TRMT11: variants seen among roughly 807,000 people sequenced by gnomAD.
TRMT11 encodes the protein tRNA (guanine(10)-N(2))-methyltransferase TRMT11.
A neutral mutation model predicts 62.8 loss-of-function variants in TRMT11; 53 were observed. The ratio of observed to expected loss-of-function variants is 0.84; its 90% CI spans 0.68 to 1.06. The LOEUF is 1.06. Among genes scored for constraint, TRMT11 ranks in the 50% least tolerant of loss-of-function variants. The pLI, the probability that TRMT11 is intolerant of heterozygous loss-of-function variation, is 0.00. For synonymous variants in TRMT11, 188 were observed against 190.3 expected, an observed-to-expected ratio of 0.99 and a Z score of 0.10; for missense variants, 556 against 553.4, an observed-to-expected ratio of 1.00 and a Z score of -0.05.
At chr6:126,124,931 A>G (rs1284256399) in intron 21 of TRMT11, among the ~76,000 whole-genome samples, 1 of 152,108 alleles carries the variant, frequency 6.6e-6, no homozygotes, top group Admixed American at 6.6e-5. Flanking sequence ...CTCTTTAGAA[A>G]TTAACCTCCT....
In TRMT11 at chr6:126,011,302, T is replaced by G; in HGVS notation, c.810T>G (p.Ile270Met). The G allele has an allele frequency of 1.9e-6, 3 of 1,613,452 alleles. No homozygotes were observed. The highest frequency in any genetic ancestry group is 1.7e-4 in the Middle Eastern group (1 of 6,012). The stretch of plus-strand genomic sequence containing the variant: ...AGTGGAGAGGACCAGATGAAAACAT[T>G]AGGGCCAATCTTCGTCAATATGGTT... ...NQKWRGPDEN[I>M]RANLRQYGLE... is the part of the protein sequence containing the mutation. The change falls in exon 9 of 13, where the codon ATT (isoleucine) becomes ATG (methionine). Residue 270 changes from isoleucine (I) to methionine (M), a missense_variant. Physicochemically the swap from Ile to Met is conservative, Grantham distance 10 (BLOSUM62 1). Coordinates refer to ENST00000334379, the MANE Select transcript of TRMT11 (RefSeq NM_001031712.3).
rs138722283 is a variant in TRMT11 at position 126,055,980 on chromosome 6, A to G, written c.*1437+2790A>G. Among the ~76,000 whole-genome samples, 547 of 152,308 alleles carry G rather than the reference A, an allele frequency of 3.6e-3. 2 individuals are homozygous for G. The highest frequency in any genetic ancestry group is 6.1e-3 in the Admixed American group (94 of 15,300). ...TGCCTTGAGACAACCACTGTCACAG[A>G]TGGCTTAGCTCAATGTCAAACAATA... On this transcript the variant is annotated intron_variant and NMD_transcript_variant, in intron 17 of 22. Transcript: ENST00000648977.
At chr6:126,117,994 G>A (rs2128193564) in intron 21 of TRMT11, among the ~76,000 whole-genome samples, 1 of 152,184 alleles carries the variant, frequency 6.6e-6, no homozygotes, top group Middle Eastern at 3.4e-3. Flanking sequence ...GTCTGTTCAG[G>A]TTGACTTTCT....
intron 1 of TRMT11, 118 bp from the exon 2 acceptor site, chr6:125,993,639 G>T: frequency 6.6e-4 from 299 of 450,998 alleles, no homozygotes; most frequent in Middle Eastern, 1.2e-3. Flanking sequence ...AAGCTTAAAT[G>T]CCTCAGTTAG....
At chr6:126,127,068 A>G (rs1335584053) in intron 21 of TRMT11, among the ~76,000 whole-genome samples, 2 of 152,156 alleles carry the variant, frequency 1.3e-5, no homozygotes, top group Admixed American at 1.3e-4. Flanking sequence ...GAACAATATT[A>G]GAAGAAGGAG....
chr6:126,035,972 C>T (rs1001549424), intron 12 of TRMT11, among the ~76,000 whole-genome samples: 5 of 152,094 alleles, frequency 3.3e-5, no homozygotes, highest in African/African-American at 1.2e-4. Flanking sequence ...GCTGCATAAC[C>T]ACAGCTTAGG....
intron 12 of TRMT11, among the ~76,000 whole-genome samples, chr6:126,028,534 C>T (rs1773607667): frequency 6.6e-6 from 1 of 152,144 alleles, no homozygotes; most frequent in African/African-American, 2.4e-5. Context: ...GGTGATGCTG[C>T]ATATCATGCT....
At chr6:126,078,969 C>A (rs1047535383) in intron 17 of TRMT11, among the ~76,000 whole-genome samples, 1 of 152,100 alleles carries the variant, frequency 6.6e-6, no homozygotes, top group Non-Finnish European at 1.5e-5. Context: ...ATAACCCTTT[C>A]GGGGGGAAAT....
intron 21 of TRMT11, among the ~76,000 whole-genome samples, chr6:126,147,900 G>C (rs991711310): frequency 2.6e-5 from 4 of 152,006 alleles, no homozygotes; most frequent in African/African-American, 9.7e-5. Flanking sequence ...CTGTCGTGGG[G>C]GTAGGGGGCT....
the TRMT11 span, among the ~76,000 whole-genome samples, chr6:126,239,347 G>A: frequency 9.9e-5 from 15 of 152,056 alleles, no homozygotes; most frequent in African/African-American, 1.7e-4. Flanking sequence ...GGCTGGTACC[G>A]GTTGTTCCTT....
At chr6:126,071,761 T>C (rs1776865470) in intron 17 of TRMT11, among the ~76,000 whole-genome samples, 1 of 152,092 alleles carries the variant, frequency 6.6e-6, no homozygotes, top group Admixed American at 6.6e-5. Context: ...AGTGTTGAAT[T>C]GTAGTGTCAG....
chr6:126,133,785 C>A (rs906290450), intron 21 of TRMT11, among the ~76,000 whole-genome samples: 1 of 152,042 alleles, frequency 6.6e-6, no homozygotes, highest in Non-Finnish European at 1.5e-5. Context: ...TTCAGATCAG[C>A]ATTGACCTGA....
rs186533833 is a variant in TRMT11, at chr6:126,122,143, C to T, written c.*1823+6288C>T. The stretch of plus-strand genomic sequence containing the variant: ...TGCCTGCCATGTAAGACTTTGCTCC[C>T]CATTCATCTTCTGCCATGATTGTGA... On this transcript the variant is annotated intron_variant and NMD_transcript_variant, in intron 21 of 22. Coordinates refer to the TRMT11 transcript ENST00000648977. 3.6e-4 allele frequency among the ~76,000 whole-genome samples: 55 copies of T among 152,192 alleles called. 1 individual carries two copies. The highest frequency in any genetic ancestry group is 3.3e-3 in the Admixed American group (50 of 15,274).
chr6:125,989,873 T>C (rs1002651878), intron 1 of TRMT11, among the ~76,000 whole-genome samples: 1 of 152,246 alleles, frequency 6.6e-6, no homozygotes, highest in African/African-American at 2.4e-5. Context: ...CATTATTCCC[T>C]GAATTCCTGC....
rs552168158 is a variant in TRMT11 at position 126,156,662 on chromosome 6, C to T, written c.*1824-18163C>T. On this transcript the variant is annotated intron_variant and NMD_transcript_variant, in intron 21 of 22. Coordinates refer to the TRMT11 transcript ENST00000648977. ...CTCCAGCATCTGCTTCTGGTGAGGG[C>T]CGTCATGGTGGAAGGTGAAGGGGAA... 1.2e-4 allele frequency among the ~76,000 whole-genome samples: 19 copies of T among 152,278 alleles called. No homozygotes were observed. In the South Asian group the frequency reaches 3.9e-3, roughly 32 times the overall value.
intron 21 of TRMT11, among the ~76,000 whole-genome samples, chr6:126,151,905 C>CTCTTTCTTTCTTTCTTT (rs1778058117): frequency 1.2e-5 from 1 of 80,362 alleles, no homozygotes; most frequent in Admixed American, 1.5e-4. Context: ...TCTTTCTTTT[C>CTCTTTCTTTCTTTCTTT]TCTTTCTTTC....
At chr6:126,181,056 G>C (rs1648801321) in intron 1 of TRMT11, among the ~76,000 whole-genome samples, 1 of 152,130 alleles carries the variant, frequency 6.6e-6, no homozygotes, top group Non-Finnish European at 1.5e-5. Context: ...CACACATTTA[G>C]AAAGAGGATT....
At chr6:126,220,430 A>G in the TRMT11 span, among the ~76,000 whole-genome samples, 1 of 152,170 alleles carries the variant, frequency 6.6e-6, no homozygotes, top group Non-Finnish European at 1.5e-5. Flanking sequence ...TTCTTTATCC[A>G]CACTGGTACC....
intron 21 of TRMT11, among the ~76,000 whole-genome samples, chr6:126,149,092 A>G (rs1414220212): frequency 6.6e-6 from 1 of 152,206 alleles, no homozygotes; most frequent in Non-Finnish European, 1.5e-5. Flanking sequence ...TTTTGACCTC[A>G]ATGTAATGAC....
Sources: gnomAD v4.1 joint callset for allele counts (sites outside exome capture counted in the v4.1 genomes callset) on GRCh38, gnomAD v4.1.1 for gene constraint, MANE v1.5 for transcripts, NCBI Gene and HGNC (gene_info 2026-07-23, HGNC 2026-07-21) for gene names.